The following PLCG2 variants were observed in gnomAD, a reference collection of about 807,000 sequenced individuals.
The protein encoded by PLCG2 is phospholipase C gamma 2.
Under a neutral mutation model 175.6 loss-of-function variants are expected in PLCG2, and 69 were observed. That is an observed-to-expected ratio of 0.39 (90% CI 0.32 to 0.48). The LOEUF (loss-of-function observed/expected upper bound fraction) is 0.48, where lower values mean the gene tolerates loss of function less well. PLCG2 is among the 20% of genes least tolerant of loss of function. The pLI, the probability that PLCG2 is intolerant of heterozygous loss-of-function variation, is 0.91. For missense variants in PLCG2, 1,798 were observed against 1,650.9 expected (o/e 1.09, Z -1.54); for synonymous variants, 827 against 624.0 (o/e 1.33, Z -4.85).
chr16:81,752,334 C>T (rs887472620), intron 1 of PLCG2, among the ~76,000 whole-genome samples: 2 of 152,184 alleles, frequency 1.3e-5, no homozygotes, highest in East Asian at 1.9e-4. Context: ...CTGAGAAGTA[C>T]CCGGCCAGCT....
chr16:81,780,571 C>A (rs547500252), intron 1 of PLCG2, among the ~76,000 whole-genome samples: 396 of 152,286 alleles, frequency 2.6e-3, no homozygotes, highest in African/African-American at 8.9e-3. Context: ...TCATTGTGAG[C>A]CTCACTGATG....
intron 1 of PLCG2, among the ~76,000 whole-genome samples, chr16:81,780,323 G>C (rs553886384): frequency 6.6e-6 from 1 of 152,304 alleles, no homozygotes; most frequent in East Asian, 1.9e-4. Flanking sequence ...GCTGTGTCGA[G>C]AATTGGGGCT....
At chr16:81,751,474 C>T (rs529419608) in intron 1 of PLCG2, among the ~76,000 whole-genome samples, 16 of 152,006 alleles carry the variant, frequency 1.1e-4, no homozygotes, top group Admixed American at 2.0e-4. Flanking sequence ...GGCTCGAGGA[C>T]GGGAAATGGG....
chr16:81,741,522 T>C (rs945153783), intron 1 of PLCG2, among the ~76,000 whole-genome samples: 8 of 152,186 alleles, frequency 5.3e-5, no homozygotes, highest in African/African-American at 1.2e-4. Context: ...AAATATGTAA[T>C]GATCAGGCCA....
At chr16:81,778,179 C>T (rs1243858967), upstream of PLCG2, among the ~76,000 whole-genome samples, 1 of 151,948 alleles carries the variant, frequency 6.6e-6, no homozygotes, top group African/African-American at 2.4e-5. Context: ...AGTTCAAGAA[C>T]AGCCTGGGAC....
At chr16:81,891,285 T>A (rs192647603) in intron 10 of PLCG2, among the ~76,000 whole-genome samples, 187 bp from the exon 11 acceptor site, 2 of 152,308 alleles carry the variant, frequency 1.3e-5, no homozygotes, top group Admixed American at 1.3e-4. Flanking sequence ...GGAACAAATA[T>A]GTCGCTGCAG....
chr16:81,933,048 C>T (rs1323701816), intron 25 of PLCG2, among the ~76,000 whole-genome samples: 1 of 152,182 alleles, frequency 6.6e-6, no homozygotes, highest in Non-Finnish European at 1.5e-5. Context: ...GTGTTATTTC[C>T]CTAGAAGGCT....
At position 81,921,289 on chromosome 16, in the gene PLCG2, A is replaced by C; in HGVS notation, c.2307+20A>C. The C allele has an allele frequency of 1.3e-6, 2 of 1,541,316 alleles. No homozygotes were observed. The highest frequency in any genetic ancestry group is 1.8e-6 in the Non-Finnish European group (2 of 1,113,426). ...TCCATGGTACGGTGCCGAACCTCCA[A>C]TTCACATGATTTTGGAGTCACGAGG... On this transcript the variant is annotated intron_variant, in intron 21 of 32. Coordinates refer to ENST00000564138, the MANE Select transcript of PLCG2 (RefSeq NM_002661.5).
At chr16:81,830,092 G>C (rs982463876) in intron 2 of PLCG2, among the ~76,000 whole-genome samples, 1 of 152,034 alleles carries the variant, frequency 6.6e-6, no homozygotes, top group Admixed American at 6.5e-5. Context: ...GGCTGAGGCA[G>C]GGGGATCACT....
At chr16:81,838,542 C>T (rs1597347297) in intron 2 of PLCG2, among the ~76,000 whole-genome samples, 1 of 151,828 alleles carries the variant, frequency 6.6e-6, no homozygotes, top group African/African-American at 2.4e-5. Flanking sequence ...TCTCACTCAT[C>T]AGTGGGAGTT....
At chr16:81,863,212 C>T (rs1907067943) in intron 5 of PLCG2, among the ~76,000 whole-genome samples, 1 of 152,228 alleles carries the variant, frequency 6.6e-6, no homozygotes, top group Admixed American at 6.5e-5. Flanking sequence ...CATTGATTCT[C>T]TCTTTAGCCC....
intron 2 of PLCG2, among the ~76,000 whole-genome samples, chr16:81,800,862 T>G (rs1294828678): frequency 6.6e-6 from 1 of 151,978 alleles, no homozygotes. Flanking sequence ...GTGGATATGA[T>G]GAAATCACAA....
chr16:81,757,771 A>G (rs867149621), intron 2 of PLCG2, among the ~76,000 whole-genome samples: 10 of 152,154 alleles, frequency 6.6e-5, no homozygotes, highest in African/African-American at 2.4e-4. Flanking sequence ...GAAACTTTTC[A>G]TCACCCCCAA....
intron 2 of PLCG2, among the ~76,000 whole-genome samples, chr16:81,815,689 C>G (rs558224124): frequency 6.6e-6 from 1 of 152,174 alleles, no homozygotes; most frequent in South Asian, 2.1e-4. Context: ...TTCCAGTTCC[C>G]ATGCAGGTGG....
At chr16:81,768,515 G>T (rs1001732837) in intron 2 of PLCG2, among the ~76,000 whole-genome samples, 1 of 149,994 alleles carries the variant, frequency 6.7e-6, no homozygotes, top group African/African-American at 2.5e-5. Context: ...TTCCACCAGT[G>T]GATCCACATC....
At chr16:81,741,156 T>C (rs1403801941) in intron 1 of PLCG2, among the ~76,000 whole-genome samples, 1 of 151,404 alleles carries the variant, frequency 6.6e-6, no homozygotes, top group Admixed American at 6.6e-5. Context: ...CTCAGGGAGG[T>C]GGGTCCTCCA....
At chr16:81,888,016 G>T (rs1046203994) in intron 9 of PLCG2, among the ~76,000 whole-genome samples, 15 of 138,144 alleles carry the variant, frequency 1.1e-4, no homozygotes, top group African/African-American at 3.6e-4. Flanking sequence ...TTCCATATCA[G>T]TTTCGTTATT....
At chr16:81,796,178 C>A (rs1028140898) in intron 2 of PLCG2, among the ~76,000 whole-genome samples, 1 of 152,248 alleles carries the variant, frequency 6.6e-6, no homozygotes, top group Non-Finnish European at 1.5e-5. Flanking sequence ...GTAACTAGAG[C>A]TGCTGATGGT....
chr16:81,937,694 T>C (rs1174993810), intron 27 of PLCG2, 64 bp from the exon 28 acceptor site: 1 of 1,479,634 alleles, frequency 6.8e-7, no homozygotes, highest in African/African-American at 1.4e-5. Context: ...ACCTAGAAAC[T>C]CCTGGCCTAG....
Sources: allele counts gnomAD v4.1 joint callset (sites outside exome capture counted in the v4.1 genomes callset), GRCh38; gene constraint gnomAD v4.1.1; transcripts MANE v1.5; gene names NCBI Gene and HGNC (gene_info 2026-07-23, HGNC 2026-07-21).